TMBIM1: variants seen among roughly 807,000 people sequenced by gnomAD.
TMBIM1 encodes transmembrane BAX inhibitor motif containing 1.
Under a neutral mutation model 45.1 loss-of-function variants are expected in TMBIM1, and 34 were observed. That is an observed-to-expected ratio of 0.75 (90% CI 0.57 to 1.00). TMBIM1 has a LOEUF of 1.00. Ranked by LOEUF, TMBIM1 falls within the 50% of genes least tolerant of loss-of-function variation. TMBIM1 has a pLI of 0.00. For missense variants in TMBIM1, 374 were observed against 402.4 expected (o/e 0.93, Z 0.60); for synonymous variants, 157 against 153.5 (o/e 1.02, Z -0.17).
Position 218,275,704 on chromosome 2 carries a change from G to A in TMBIM1, c.790-83C>T, listed in dbSNP as rs1574623527. The stretch of plus-strand genomic sequence containing the variant: ...TTTGGTCAGCAGATTTGTCTTGGGG[G>A]CCTATGCGCCACACAGTGCTTAGGG... On this transcript the variant is annotated intron_variant, in intron 11 of 11. Coordinates refer to ENST00000258412, the MANE Select transcript of TMBIM1 (RefSeq NM_022152.6). 12 of 1,509,174 alleles carry A rather than the reference G, an allele frequency of 8.0e-6. No homozygotes were observed. In the East Asian group the frequency reaches 2.7e-4, roughly 34 times the overall value. The allele number at this position is 1,509,174 out of a possible 1,614,324, so 93.5% of individuals were successfully genotyped here.
At chr2:218,286,078 G>C (rs1357463756) in intron 1 of TMBIM1, 1 of 154,512 alleles carries the variant, frequency 6.5e-6, no homozygotes, top group African/African-American at 2.4e-5. Flanking sequence ...GTGAGGACTA[G>C]AAATCAGATC....
In TMBIM1 at chr2:218,276,009, G is replaced by C; in HGVS notation, c.789+17C>G. 1 of 1,608,882 alleles carries C rather than the reference G, an allele frequency of 6.2e-7. No individual in the cohort carries two copies. The highest frequency in any genetic ancestry group is 8.5e-7 in the Non-Finnish European group (1 of 1,177,734). On this transcript the variant is annotated intron_variant, in intron 11 of 11. Transcript: ENST00000258412. ...CATCCCCTCAGCTCCCCTTCCTAGAGTGGGGCTGGGACTTACCAGGGTGAA... is the reference window on the plus strand; with the variant it reads ...CATCCCCTCAGCTCCCCTTCCTAGACTGGGGCTGGGACTTACCAGGGTGAA...
chr2:218,276,746 C>A (rs1691252546), intron 10 of TMBIM1, among the ~76,000 whole-genome samples: 1 of 152,176 alleles, frequency 6.6e-6, no homozygotes, highest in South Asian at 2.1e-4. Flanking sequence ...CAGATTGAAC[C>A]CACCCCTTCC....
intron 1 of TMBIM1, chr2:218,286,113 G>A (rs1447974948): frequency 6.5e-6 from 1 of 153,754 alleles, no homozygotes; most frequent in Admixed American, 6.5e-5. Flanking sequence ...AGCTACTAGA[G>A]GGGCTCACAG....
intron 2 of TMBIM1, 57 bp from the exon 3 acceptor site, chr2:218,280,183 C>A: frequency 8.0e-7 from 1 of 1,245,138 alleles, no homozygotes; most frequent in Non-Finnish European, 1.2e-6. Context: ...GCGTCAATCC[C>A]AAAGCCTCCC....
intron 1 of TMBIM1, among the ~76,000 whole-genome samples, chr2:218,288,116 A>G (rs1692662335): frequency 6.6e-6 from 1 of 152,260 alleles, no homozygotes; most frequent in Non-Finnish European, 1.5e-5. Flanking sequence ...AAGGAGACTG[A>G]TAACTAACCC....
At chr2:218,283,432 C>A (rs763092933) in intron 1 of TMBIM1, among the ~76,000 whole-genome samples, 1 of 152,174 alleles carries the variant, frequency 6.6e-6, no homozygotes, top group South Asian at 2.1e-4. Context: ...TCTGAGGTAG[C>A]AGAGATGCAG....
intron 10 of TMBIM1, 72 bp downstream of exon 10, chr2:218,276,932 C>T (rs1213785684): frequency 3.0e-5 from 40 of 1,340,856 alleles, no homozygotes; most frequent in African/African-American, 4.3e-5. Flanking sequence ...TTGGGGCCTG[C>T]GAGACCATGC....
At chr2:218,289,156 G>T (rs139734950) in intron 1 of TMBIM1, among the ~76,000 whole-genome samples, 75 of 152,274 alleles carry the variant, frequency 4.9e-4, no homozygotes, top group African/African-American at 1.7e-3. Flanking sequence ...AGATCAAAAC[G>T]ATAGATAGAA....
At chr2:218,279,908 G>T in intron 3 of TMBIM1, 118 bp downstream of exon 3, 1 of 782,260 alleles carries the variant, frequency 1.3e-6, no homozygotes, top group East Asian at 2.5e-5. Context: ...GGCTAGAGAA[G>T]ACAGGCAGCC....
At chr2:218,278,709 C>A in intron 5 of TMBIM1, 144 bp from the exon 6 acceptor site, 1 of 905,092 alleles carries the variant, frequency 1.1e-6, no homozygotes, top group Admixed American at 2.1e-5. Context: ...CGAGATTACC[C>A]CCAGCCAGGG....
rs1276382164 is a variant in TMBIM1 at position 218,279,045 on chromosome 2, C to T, written c.415G>A (p.Val139Met). 5 of 1,614,142 alleles carry T rather than the reference C, an allele frequency of 3.1e-6. No homozygotes were observed. Among genetic ancestry groups the T allele is most frequent in the Admixed American group, 3.3e-5 (2 of 60,020 alleles). The change falls in exon 5 of 12, where the codon GTG becomes ATG. Residue 139 changes from valine (V) to methionine (M), a missense_variant. Coordinates refer to ENST00000258412, the MANE Select transcript of TMBIM1 (RefSeq NM_022152.6). Reference protein sequence around the residue: ...FVRRNVAVYYVSYAVFVVTYL... With the variant: ...FVRRNVAVYYMSYAVFVVTYL... ...AGAGGAGCACACACTCACTAGGACA[C>T]GTAGTAGACAGCCACATTTCTCCTC...
At position 218,282,181 on chromosome 2, in the gene TMBIM1, C is replaced by T. The variant is rs1692091015; in HGVS notation, c.-40G>A. ...TGAGGGGGAACCCCAGCTGCTGGGA[C>T]CTGAAATGGGAGAGGAGAAAAGCAA... is the stretch of plus-strand genomic sequence containing the variant. On this transcript the variant is annotated splice_region_variant and 5_prime_UTR_variant, in exon 2 of 12. Coordinates refer to ENST00000258412, the MANE Select transcript of TMBIM1 (RefSeq NM_022152.6). 2 of 1,415,480 alleles carry T rather than the reference C, an allele frequency of 1.4e-6. No individual in the cohort carries two copies. The highest frequency in any genetic ancestry group is 1.9e-6 in the Non-Finnish European group (2 of 1,073,922). The allele number at this position is 1,415,480 out of a possible 1,614,324, so 87.7% of individuals were successfully genotyped here.
chr2:218,288,321 C>T (rs895669753), intron 1 of TMBIM1, among the ~76,000 whole-genome samples: 6 of 152,246 alleles, frequency 3.9e-5, no homozygotes, highest in Admixed American at 2.0e-4. Context: ...CCCAGCTACT[C>T]GGGAGGCTGA....
intron 1 of TMBIM1, among the ~76,000 whole-genome samples, chr2:218,291,236 C>T (rs118037998): frequency 2.6e-5 from 4 of 152,154 alleles, no homozygotes; most frequent in Admixed American, 1.3e-4. Context: ...AAAGACAGGG[C>T]CCCTGACACT....
chr2:218,275,557 T>C lies in TMBIM1; in HGVS notation c.854A>G (p.Tyr285Cys). 2 of 1,614,154 alleles carry C rather than the reference T, an allele frequency of 1.2e-6. No homozygotes were observed. The highest frequency in any genetic ancestry group is 2.2e-5 in the South Asian group (2 of 91,082). ...GTAAATCTGCAGGGCGCCAGTGATG[T>C]AGTCCTCGGGGCTGATGGTGTGCTT... ...NRKHTISPED[Y>C]ITGALQIYTD... The change falls in exon 12 of 12, where the codon TAC becomes TGC. Residue 285 changes from tyrosine to cysteine, a missense_variant. Tyr to Cys is a radical substitution (Grantham distance 194, BLOSUM62 -2). Transcript: ENST00000258412.
intron 10 of TMBIM1, among the ~76,000 whole-genome samples, chr2:218,276,777 G>A (rs1048618718): frequency 2.0e-5 from 3 of 152,102 alleles, no homozygotes; most frequent in Admixed American, 6.6e-5. Flanking sequence ...CAGTGATGCA[G>A]TCCAGGGCTT....
chr2:218,277,285 G>A lies in TMBIM1; in HGVS notation c.639+81C>T, dbSNP rs1037182582. 4 of 1,350,184 alleles carry A rather than the reference G, an allele frequency of 3.0e-6. No individual in the cohort carries two copies. In the African/African-American group the frequency reaches 5.7e-5, roughly 19 times the overall value. The allele number at this position is 1,350,184 out of a possible 1,614,324, so 83.6% of individuals were successfully genotyped here. ...AGGAGAAGGGGATCAGGTCTCTAGG[G>A]AACATCCCTAGTGTGCCGGGGTCCG... On this transcript the variant is annotated intron_variant, in intron 9 of 11. Coordinates refer to ENST00000258412, the MANE Select transcript of TMBIM1 (RefSeq NM_022152.6).
chr2:218,276,356 T>G (rs1691211175), intron 10 of TMBIM1, among the ~76,000 whole-genome samples: 1 of 152,182 alleles, frequency 6.6e-6, no homozygotes, highest in African/African-American at 2.4e-5. Flanking sequence ...AAAAAAGCAG[T>G]TGAGTTACAG....
Sources: gnomAD v4.1 joint callset for allele counts (sites outside exome capture counted in the v4.1 genomes callset) on GRCh38, gnomAD v4.1.1 for gene constraint, MANE v1.5 for transcripts, NCBI Gene and HGNC (gene_info 2026-07-23, HGNC 2026-07-21) for gene names.